The following GOLPH3 variants were observed in gnomAD, a reference collection of about 807,000 sequenced individuals.
GOLPH3 encodes the protein golgi phosphoprotein 3.
Under a neutral mutation model 28.5 loss-of-function variants are expected in GOLPH3, and 14 were observed. The ratio of observed to expected loss-of-function variants is 0.49; its 90% CI spans 0.32 to 0.77. GOLPH3 has a LOEUF of 0.77. Ranked by LOEUF, GOLPH3 falls within the 30% of genes least tolerant of loss-of-function variation. The probability of loss-of-function intolerance (pLI) is 0.03; values close to 1 mark genes in which losing one functional copy is unlikely to be tolerated. For missense variants in GOLPH3, 350 were observed against 393.7 expected (o/e 0.89, Z 0.94); for synonymous variants, 158 against 159.2 (o/e 0.99, Z 0.06).
intron 2 of GOLPH3, among the ~76,000 whole-genome samples, chr5:32,142,683 C>T (rs1402771327): frequency 1.4e-5 from 2 of 146,136 alleles, no homozygotes; most frequent in African/African-American, 5.2e-5. Context: ...CCAGCCGCCC[C>T]GTCCGGGAGG....
chr5:32,143,126 G>GA (rs1746117749), intron 2 of GOLPH3, among the ~76,000 whole-genome samples: 1 of 152,220 alleles, frequency 6.6e-6, no homozygotes, highest in Non-Finnish European at 1.5e-5. Context: ...TTCTGCCTTG[G>GA]GATCCTGTTG....
At chr5:32,152,112 T>A (rs1445173267) in intron 1 of GOLPH3, among the ~76,000 whole-genome samples, 2 of 152,006 alleles carry the variant, frequency 1.3e-5, no homozygotes, top group Non-Finnish European at 2.9e-5. Flanking sequence ...ACACTTGATG[T>A]TATGCATATT....
In GOLPH3 at chr5:32,125,174, A is replaced by C. The variant is rs1745649583; in HGVS notation, c.*1038T>G. 6.6e-6 allele frequency: 1 copy of C among 152,638 alleles called. No homozygotes were observed. Among genetic ancestry groups the C allele is most frequent in the African/African-American group, 2.4e-5 (1 of 41,452 alleles). 9.5% of individuals were successfully genotyped at this position (152,638 alleles called of 1,614,324 possible). On this transcript the variant is annotated 3_prime_UTR_variant, in exon 4 of 4. Transcript: ENST00000265070. Reference sequence around the variant, plus strand: ...GGACTGACATTTGATTTTTTTCCCCAAGAATGTGTGAGTAGATAAATGACA... The same window carrying C: ...GGACTGACATTTGATTTTTTTCCCCCAGAATGTGTGAGTAGATAAATGACA...
At chr5:32,167,415 A>G (rs569601601) in intron 1 of GOLPH3, among the ~76,000 whole-genome samples, 13 of 152,244 alleles carry the variant, frequency 8.5e-5, no homozygotes, top group African/African-American at 2.6e-4. Flanking sequence ...CAGGTGATCC[A>G]TCCACCTCGG....
chr5:32,158,137 AC>A (rs1163812522), intron 1 of GOLPH3, among the ~76,000 whole-genome samples: 15 of 66,076 alleles, frequency 2.3e-4, no homozygotes, highest in African/African-American at 7.9e-4. Flanking sequence ...TAAAATACAC[AC>A]ACACACACAC....
chr5:32,127,780 T>A (rs1271114776), intron 3 of GOLPH3, among the ~76,000 whole-genome samples: 2 of 152,194 alleles, frequency 1.3e-5, no homozygotes, highest in Admixed American at 6.5e-5. Context: ...GAAGTAATCA[T>A]TCCTAAAGCT....
intron 1 of GOLPH3, among the ~76,000 whole-genome samples, chr5:32,165,202 G>T (rs1390967640): frequency 6.6e-6 from 1 of 152,022 alleles, no homozygotes; most frequent in African/African-American, 2.4e-5. Context: ...ACCTGCCAGG[G>T]TTAGGTAAAT....
rs1171766868 is a variant in GOLPH3 at position 32,135,882 on chromosome 5, A to C, written c.358-196T>G. 4.0e-5 allele frequency among the ~76,000 whole-genome samples: 6 copies of C among 150,424 alleles called. No homozygotes were observed. The South Asian group carries it at 6.2e-4, about 16-fold the overall frequency. On this transcript the variant is annotated intron_variant, in intron 2 of 3. Coordinates refer to ENST00000265070, the MANE Select transcript of GOLPH3 (RefSeq NM_022130.4). ...TATTTAACCTAACCAGATTAGATAT[A>C]ATAATGAATGAAAATTGGCTAGACT... is the stretch of plus-strand genomic sequence containing the variant.
At chr5:32,130,699 CA>C (rs1007682583) in intron 3 of GOLPH3, among the ~76,000 whole-genome samples, 3 of 151,636 alleles carry the variant, frequency 2.0e-5, no homozygotes, top group African/African-American at 7.3e-5. Context: ...ACTCCCCACC[CA>C]AAAAAAACAC....
intron 2 of GOLPH3, among the ~76,000 whole-genome samples, chr5:32,142,680 C>T (rs1746100552): frequency 1.4e-5 from 2 of 147,368 alleles, no homozygotes; most frequent in Admixed American, 1.3e-4. Flanking sequence ...CGGCCAGCCG[C>T]CCCGTCCGGG....
At chr5:32,158,969 TA>T (rs1746515042) in intron 1 of GOLPH3, among the ~76,000 whole-genome samples, 1 of 152,240 alleles carries the variant, frequency 6.6e-6, no homozygotes, top group Non-Finnish European at 1.5e-5. Context: ...GGAAACCTTG[TA>T]AAGTAGGTGC....
At chr5:32,141,193 G>C (rs1746053067) in intron 2 of GOLPH3, among the ~76,000 whole-genome samples, 1 of 151,388 alleles carries the variant, frequency 6.6e-6, no homozygotes, top group African/African-American at 2.4e-5. Context: ...TACATGAATG[G>C]TGTTCTTTCC....
Position 32,174,005 on chromosome 5 carries a change from G to A in GOLPH3, c.30C>T (p.Gly10=). Residue 10 remains glycine, a synonymous_variant, in exon 1 of 4, where the codon GGC becomes GGT. Transcript: ENST00000265070. ...AGGCCTCGGTGCGCCGCTGCACCAG[G>A]CCGGAGCTGCGCTGGGTCAGCGAGG... is the stretch of plus-strand genomic sequence containing the variant. The part of the protein sequence containing the change: MTSLTQRSS[G]LVQRRTEASR... The A allele has an allele frequency of 7.5e-7, 1 of 1,327,786 alleles. No homozygotes were observed. The highest frequency in any genetic ancestry group is 3.1e-5 in the East Asian group (1 of 32,190). The allele number at this position is 1,327,786 out of a possible 1,614,324, so 82.3% of individuals were successfully genotyped here. A position where few individuals can be genotyped will look rare whatever the true frequency, so the allele number is the denominator to read the frequency against.
chr5:32,169,595 A>C (rs1176613499), intron 1 of GOLPH3, among the ~76,000 whole-genome samples: 1 of 152,216 alleles, frequency 6.6e-6, no homozygotes, highest in East Asian at 1.9e-4. Flanking sequence ...CAATGAAGAC[A>C]TTCAAACATA....
At chr5:32,150,082 G>T (rs1746271421) in intron 1 of GOLPH3, among the ~76,000 whole-genome samples, 1 of 151,684 alleles carries the variant, frequency 6.6e-6, no homozygotes, top group Admixed American at 6.6e-5. Flanking sequence ...CTATAGATAG[G>T]AGTTTAGTAA....
chr5:32,146,231 A>T (rs1746177881), intron 1 of GOLPH3, among the ~76,000 whole-genome samples: 4 of 151,878 alleles, frequency 2.6e-5, no homozygotes. Context: ...TTGAGGCTGC[A>T]GTGAGCCATG....
At chr5:32,143,476 AAAAT>A (rs1003489231) in intron 2 of GOLPH3, among the ~76,000 whole-genome samples, 33 of 151,932 alleles carry the variant, frequency 2.2e-4, no homozygotes, top group South Asian at 8.3e-4. Context: ...AATAAAATTA[AAAAT>A]AAATAAATAA....
At chr5:32,168,605 G>GAA (rs1004191144) in intron 1 of GOLPH3, among the ~76,000 whole-genome samples, 1 of 151,996 alleles carries the variant, frequency 6.6e-6, no homozygotes, top group East Asian at 1.9e-4. Context: ...AATCAGACTG[G>GAA]AAAAAAACAG....
chr5:32,164,296 TTCC>T (rs1182677893), intron 1 of GOLPH3, among the ~76,000 whole-genome samples: 18 of 152,336 alleles, frequency 1.2e-4, no homozygotes, highest in Admixed American at 2.6e-4. Context: ...TCCAGATTTT[TTCC>T]TCATTATCTT....
Sources: gnomAD v4.1 joint callset for allele counts (sites outside exome capture counted in the v4.1 genomes callset) on GRCh38, gnomAD v4.1.1 for gene constraint, MANE v1.5 for transcripts, NCBI Gene and HGNC (gene_info 2026-07-23, HGNC 2026-07-21) for gene names.